Variants in SEC22B observed in about 807,000 individuals in gnomAD.
SEC22B encodes SEC22 homolog B, vesicle trafficking protein, also known as vesicle-trafficking protein SEC22b.
Under a neutral mutation model 31.4 loss-of-function variants are expected in SEC22B, and 10 were observed. That is an observed-to-expected ratio of 0.32 (90% CI 0.20 to 0.54). The LOEUF is 0.54. Ranked by LOEUF, SEC22B falls within the 20% of genes least tolerant of loss-of-function variation. SEC22B has a pLI of 0.94. For synonymous variants in SEC22B, 60 were observed against 95.9 expected (o/e 0.63, Z 2.19); for missense variants, 130 against 263.4 (o/e 0.49, Z 3.50).
At chr1:120,166,091 T>G (rs1327944464) in intron 2 of SEC22B, among the ~76,000 whole-genome samples, 1 of 150,618 alleles carries the variant, frequency 6.6e-6, no homozygotes, top group East Asian at 1.9e-4. Flanking sequence ...AACGACATAT[T>G]ATTTCACCCC....
intron 2 of SEC22B, among the ~76,000 whole-genome samples, chr1:120,167,904 T>C (rs1199407873): frequency 6.6e-6 from 1 of 152,038 alleles, no homozygotes; most frequent in Admixed American, 6.6e-5. Flanking sequence ...ATTTTTGGTG[T>C]TGAAAATTAG....
chr1:120,168,109 ACTAT>A (rs1284969750), intron 2 of SEC22B, among the ~76,000 whole-genome samples: 7 of 151,914 alleles, frequency 4.6e-5, no homozygotes, highest in South Asian at 2.1e-4. Context: ...AAGTTATCTT[ACTAT>A]CTAAGTCCCT....
Position 120,155,654 on chromosome 1 carries a change from T to C in SEC22B, c.*1384A>G, listed in dbSNP as rs1310695739. 2 of 151,298 alleles carry C rather than the reference T, an allele frequency of 1.3e-5. No individual in the cohort carries two copies. Among genetic ancestry groups the C allele is most frequent in the Non-Finnish European group, 3.0e-5 (2 of 67,648 alleles). 9.4% of individuals were successfully genotyped at this position (151,298 alleles called of 1,614,324 possible). A position where few individuals can be genotyped will look rare whatever the true frequency, so the allele number is the denominator to read the frequency against. On this transcript the variant is annotated 3_prime_UTR_variant, in exon 5 of 5. Coordinates refer to ENST00000578049, the MANE Select transcript of SEC22B (RefSeq NM_004892.6). The stretch of plus-strand genomic sequence containing the variant: ...GTTTTTTGCCAAAGATATTAAGAAA[T>C]AAAAAGTTCGCTCATTTTCCTGTGC...
intron 3 of SEC22B, 74 bp from the exon 4 acceptor site, chr1:120,160,604 A>T (rs1356593349): frequency 7.1e-7 from 1 of 1,407,022 alleles, no homozygotes; most frequent in Non-Finnish European, 9.5e-7. Flanking sequence ...AAAAGTTCTG[A>T]GTTGGCCAGG....
At chr1:120,173,815 GTAAAGTACAGTGGTTAGGCAC>G (rs1657919659) in intron 1 of SEC22B, among the ~76,000 whole-genome samples, 1 of 28,392 alleles carries the variant, frequency 3.5e-5, no homozygotes, top group African/African-American at 2.4e-4. Context: ...GAACAAGGCA[GTAAAGTACAGTGGTTAGGCAC>G]TAAAGTACAG....
intron 4 of SEC22B, among the ~76,000 whole-genome samples, chr1:120,160,002 G>C (rs1336373276): frequency 1.4e-5 from 2 of 143,044 alleles, no homozygotes; most frequent in Non-Finnish European, 3.0e-5. Context: ...GATGAAAATG[G>C]CATTTTATAA....
At chr1:120,166,095 T>C (rs2101130029) in intron 2 of SEC22B, among the ~76,000 whole-genome samples, 1 of 150,680 alleles carries the variant, frequency 6.6e-6, no homozygotes, top group South Asian at 2.1e-4. Context: ...ACATATTATT[T>C]CACCCCAGTT....
chr1:120,155,783 T>C lies in SEC22B; in HGVS notation c.*1255A>G, dbSNP rs1159637431. 6.6e-6 allele frequency: 1 copy of C among 152,040 alleles called. No individual in the cohort carries two copies. The highest frequency in any genetic ancestry group is 1.5e-5 in the Non-Finnish European group (1 of 67,956). 9.4% of individuals were successfully genotyped at this position (152,040 alleles called of 1,614,324 possible). ...ATTTTCCCCATTAAAAAATTCTACCTCAGAAGGTAAAAGGAAATCTCCATC... is the reference window on the plus strand; with the variant it reads ...ATTTTCCCCATTAAAAAATTCTACCCCAGAAGGTAAAAGGAAATCTCCATC... On this transcript the variant is annotated 3_prime_UTR_variant, in exon 5 of 5. Coordinates refer to ENST00000578049, the MANE Select transcript of SEC22B (RefSeq NM_004892.6).
At position 120,161,591 on chromosome 1, in the gene SEC22B, C is replaced by T. The variant is rs1294181849; in HGVS notation, c.347-1061G>A. Among the ~76,000 whole-genome samples, 177 of 152,116 alleles carry T rather than the reference C, an allele frequency of 1.2e-3. 2 individuals carry two copies. The highest frequency in any genetic ancestry group is 3.7e-4 in the Non-Finnish European group (25 of 68,030). ...GCGTGCACCTCTAGTCCCAGCTATT[C>T]AGGAGGCTGAGGCACAAGAATCACT... On this transcript the variant is annotated intron_variant, in intron 3 of 4. Coordinates refer to ENST00000578049, the MANE Select transcript of SEC22B (RefSeq NM_004892.6).
chr1:120,167,167 T>C (rs1262768757), intron 2 of SEC22B, among the ~76,000 whole-genome samples: 1 of 150,576 alleles, frequency 6.6e-6, no homozygotes, highest in Non-Finnish European at 1.5e-5. Flanking sequence ...CCATCTTCTA[T>C]ACCATCAGTT....
intron 3 of SEC22B, among the ~76,000 whole-genome samples, chr1:120,161,477 T>G (rs1657716965): frequency 6.6e-6 from 1 of 152,124 alleles, no homozygotes; most frequent in Non-Finnish European, 1.5e-5. Context: ...GTGGATCACT[T>G]GAGGCCAGGA....
Position 120,160,435 on chromosome 1 carries a change from T to C in SEC22B, c.442A>G (p.Ile148Val). ...INTELQDVQRIMVANIEEVLQ... is the reference protein window; with the variant it reads ...INTELQDVQRVMVANIEEVLQ... ...ACTTCTTCAATATTGGCCACCATGA[T>C]CCTCTGCACATCTTGCAATTCAGTG... Residue 148 changes from isoleucine (I) to valine (V), a missense_variant, in exon 4 of 5, where the codon ATC (isoleucine) becomes GTC (valine). By Grantham distance (29) the Ile-to-Val change is conservative. Coordinates refer to ENST00000578049, the MANE Select transcript of SEC22B (RefSeq NM_004892.6). 6.2e-7 allele frequency: 1 copy of C among 1,613,080 alleles called. No individual in the cohort carries two copies. Among genetic ancestry groups the C allele is most frequent in the Non-Finnish European group, 8.5e-7 (1 of 1,179,348 alleles).
chr1:120,167,699 G>A (rs1240044078), intron 2 of SEC22B, among the ~76,000 whole-genome samples: 1 of 151,738 alleles, frequency 6.6e-6, no homozygotes, highest in Non-Finnish European at 1.5e-5. Context: ...ATTAAATGCA[G>A]GACTCAATAT....
At chr1:120,157,334 T>C (rs1219594493) in intron 4 of SEC22B, 142 bp from the exon 5 acceptor site, 100 of 564,900 alleles carry the variant, frequency 1.8e-4, no homozygotes, top group Middle Eastern at 1.4e-3. Context: ...ACATTGCATA[T>C]ACTAATTAAC....
intron 3 of SEC22B, among the ~76,000 whole-genome samples, chr1:120,160,975 A>G (rs1361835907): frequency 6.6e-6 from 1 of 152,176 alleles, no homozygotes; most frequent in Non-Finnish European, 1.5e-5. Context: ...CTCTTGGTTG[A>G]ATATCAAAAT....
chr1:120,175,763 C>T (rs1657949455), intron 1 of SEC22B, among the ~76,000 whole-genome samples: 1 of 152,060 alleles, frequency 6.6e-6, no homozygotes, highest in Admixed American at 6.6e-5. Flanking sequence ...CAATGTATTG[C>T]AGGAATGTGG....
At chr1:120,157,218 A>T (rs1266265962) in intron 4 of SEC22B, 26 bp from the exon 5 acceptor site, 6 of 1,345,690 alleles carry the variant, frequency 4.5e-6, no homozygotes, top group African/African-American at 2.9e-5. Flanking sequence ...AAAGGAAAAC[A>T]TTAATTAGTC....
chr1:120,176,414 G>A lies in SEC22B; in HGVS notation c.-33C>T. 1 of 1,601,640 alleles carries A rather than the reference G, an allele frequency of 6.2e-7. No homozygotes were observed. Among genetic ancestry groups the A allele is most frequent in the Non-Finnish European group, 8.5e-7 (1 of 1,169,994 alleles). Reference sequence around the variant, plus strand: ...AACTACAGGGATCCAACACTGGCCCGGAAGGCCCTTGGCGCCGTCCTCACT... The same window carrying A: ...AACTACAGGGATCCAACACTGGCCCAGAAGGCCCTTGGCGCCGTCCTCACT... On this transcript the variant is annotated 5_prime_UTR_variant, in exon 1 of 5. Coordinates refer to ENST00000578049, the MANE Select transcript of SEC22B (RefSeq NM_004892.6).
intron 1 of SEC22B, among the ~76,000 whole-genome samples, chr1:120,169,519 C>T (rs1454631183): frequency 2.6e-5 from 4 of 152,366 alleles, no homozygotes; most frequent in South Asian, 2.1e-4. Context: ...CTGAAGAAAT[C>T]TATTTGGTTC....
Sources: allele counts gnomAD v4.1 joint callset (sites outside exome capture counted in the v4.1 genomes callset), GRCh38; gene constraint gnomAD v4.1.1; transcripts MANE v1.5; gene names NCBI Gene and HGNC (gene_info 2026-07-23, HGNC 2026-07-21).